The following PSTPIP2 variants were observed in gnomAD, a reference collection of about 807,000 sequenced individuals.
PSTPIP2 encodes the protein proline-serine-threonine phosphatase interacting protein 2.
Under a neutral mutation model 63.3 loss-of-function variants are expected in PSTPIP2, and 33 were observed. That is an observed-to-expected ratio of 0.52 (90% CI 0.40 to 0.70). The LOEUF (loss-of-function observed/expected upper bound fraction) is 0.70, where lower values mean the gene tolerates loss of function less well. Among genes scored for constraint, PSTPIP2 ranks in the 30% least tolerant of loss-of-function variants. The probability of loss-of-function intolerance (pLI) is 0.00; values close to 1 mark genes in which losing one functional copy is unlikely to be tolerated. For missense variants in PSTPIP2, 312 were observed against 400.7 expected (o/e 0.78, Z 1.89); for synonymous variants, 125 against 132.7 (o/e 0.94, Z 0.40).
At chr18:46,049,801 A>C (rs1164876951) in intron 1 of PSTPIP2, among the ~76,000 whole-genome samples, 1 of 152,166 alleles carries the variant, frequency 6.6e-6, no homozygotes, top group Non-Finnish European at 1.5e-5. Flanking sequence ...AATCACTTGA[A>C]CCTGGGAGAT....
intron 1 of PSTPIP2, among the ~76,000 whole-genome samples, chr18:46,060,462 C>T (rs1009201375): frequency 2.0e-5 from 3 of 152,232 alleles, no homozygotes; most frequent in Non-Finnish European, 2.9e-5. Flanking sequence ...ATTATCCTCA[C>T]TGCACAACAG....
chr18:46,027,601 G>C (rs1907628048), intron 2 of PSTPIP2, among the ~76,000 whole-genome samples: 1 of 151,940 alleles, frequency 6.6e-6, no homozygotes, highest in Admixed American at 6.6e-5. Context: ...GAGGTAGGAG[G>C]ATCACTTGAG....
chr18:46,028,528 G>A (rs1471061326), intron 2 of PSTPIP2: 2 of 659,070 alleles, frequency 3.0e-6, no homozygotes, highest in East Asian at 3.9e-5. Context: ...ACGCTGCTGC[G>A]GCGTCTGCGG....
chr18:46,032,059 T>C (rs1196163656), intron 2 of PSTPIP2, among the ~76,000 whole-genome samples: 2 of 152,160 alleles, frequency 1.3e-5, no homozygotes, highest in African/African-American at 4.8e-5. Context: ...AAATCACGCT[T>C]GAATAAGTAG....
At chr18:46,035,413 C>A (rs1907932137) in intron 2 of PSTPIP2, among the ~76,000 whole-genome samples, 1 of 67,168 alleles carries the variant, frequency 1.5e-5, no homozygotes, top group Admixed American at 2.1e-4. Flanking sequence ...GAGTGAGACT[C>A]TGTCTTAAAA....
intron 1 of PSTPIP2, among the ~76,000 whole-genome samples, chr18:46,042,897 T>G (rs1465024808): frequency 6.6e-6 from 1 of 152,134 alleles, no homozygotes; most frequent in African/African-American, 2.4e-5. Context: ...TAACTTGGCC[T>G]TCAGCACTCT....
chr18:46,028,447 GAGA>G, intron 2 of PSTPIP2: 1 of 580,296 alleles, frequency 1.7e-6, no homozygotes, highest in South Asian at 1.4e-5. Flanking sequence ...CCCGACGCTG[GAGA>G]AGACAAACCG....
At chr18:46,063,715 A>G (rs893788061) in intron 1 of PSTPIP2, among the ~76,000 whole-genome samples, 1 of 152,194 alleles carries the variant, frequency 6.6e-6, no homozygotes, top group Non-Finnish European at 1.5e-5. Flanking sequence ...AGAAAACAAA[A>G]CCATTTGTAA....
At chr18:45,999,656 C>G (rs11665357) in intron 6 of PSTPIP2, 122 bp from the exon 7 acceptor site, 11 of 895,416 alleles carry the variant, frequency 1.2e-5, no homozygotes, top group Non-Finnish European at 1.9e-5. Context: ...CTGATTGTCA[C>G]TAAGCCATGG....
chr18:46,020,566 T>G (rs1371672603), intron 3 of PSTPIP2, among the ~76,000 whole-genome samples: 1 of 152,046 alleles, frequency 6.6e-6, no homozygotes, highest in Non-Finnish European at 1.5e-5. Context: ...AGCAGAGAAC[T>G]GCTTGAACCC....
At chr18:45,999,678 G>A in intron 6 of PSTPIP2, 144 bp from the exon 7 acceptor site, 1 of 714,046 alleles carries the variant, frequency 1.4e-6, no homozygotes, top group Admixed American at 2.8e-5. Context: ...CTCCCAGAGG[G>A]CAGATGCTTT....
chr18:46,015,631 T>C (rs574898635), intron 4 of PSTPIP2, among the ~76,000 whole-genome samples: 1 of 152,270 alleles, frequency 6.6e-6, no homozygotes, highest in East Asian at 1.9e-4. Flanking sequence ...GTCTCAGGAA[T>C]CTGTGTCAAT....
chr18:46,000,366 C>G (rs1284657251), intron 6 of PSTPIP2, among the ~76,000 whole-genome samples: 1 of 151,974 alleles, frequency 6.6e-6, no homozygotes, highest in African/African-American at 2.4e-5. Context: ...TAGTCATGTT[C>G]CTTATTTATT....
chr18:45,988,818 A>C, intron 13 of PSTPIP2, 59 bp from the exon 14 acceptor site: 243 of 1,358,818 alleles, frequency 1.8e-4, no homozygotes, highest in Non-Finnish European at 2.3e-4. Flanking sequence ...ATAAGATCTC[A>C]CCCTTTTCAA....
At chr18:46,052,326 A>G (rs1199616270) in intron 1 of PSTPIP2, among the ~76,000 whole-genome samples, 1 of 152,192 alleles carries the variant, frequency 6.6e-6, no homozygotes, top group Non-Finnish European at 1.5e-5. Context: ...TCTGACTACT[A>G]TGTCACATCC....
chr18:46,064,604 T>A (rs1290183958), intron 1 of PSTPIP2, among the ~76,000 whole-genome samples: 3 of 151,662 alleles, frequency 2.0e-5, no homozygotes, highest in Non-Finnish European at 4.4e-5. Flanking sequence ...CCAGCCCTGC[T>A]GTCTGGTTTC....
At chr18:46,030,724 G>T (rs1052896265) in intron 2 of PSTPIP2, among the ~76,000 whole-genome samples, 2 of 152,174 alleles carry the variant, frequency 1.3e-5, no homozygotes, top group Non-Finnish European at 2.9e-5. Flanking sequence ...AAGGGGGTTG[G>T]TATTCCCTGA....
chr18:46,012,133 A>C (rs147419485), intron 4 of PSTPIP2, among the ~76,000 whole-genome samples: 1 of 152,360 alleles, frequency 6.6e-6, no homozygotes, highest in Non-Finnish European at 1.5e-5. Context: ...GCCAATAAAC[A>C]TTTGGAAATA....
intron 1 of PSTPIP2, among the ~76,000 whole-genome samples, chr18:46,052,033 C>A (rs1040469401): frequency 6.6e-6 from 1 of 152,224 alleles, no homozygotes; most frequent in African/African-American, 2.4e-5. Flanking sequence ...GGGAGGCAGG[C>A]AACTGCCAGG....
Sources: gnomAD v4.1 joint callset for allele counts (sites outside exome capture counted in the v4.1 genomes callset) on GRCh38, gnomAD v4.1.1 for gene constraint, MANE v1.5 for transcripts, NCBI Gene and HGNC (gene_info 2026-07-23, HGNC 2026-07-21) for gene names.